Variants in SEPTIN8 observed in about 807,000 individuals in gnomAD.
The protein encoded by SEPTIN8 is septin 8.
Under a neutral mutation model 53.1 loss-of-function variants are expected in SEPTIN8, and 22 were observed. The ratio of observed to expected loss-of-function variants is 0.41; its 90% CI spans 0.30 to 0.59. The LOEUF (loss-of-function observed/expected upper bound fraction) is 0.59. Ranked by LOEUF, SEPTIN8 falls within the 20% of genes least tolerant of loss-of-function variation. The pLI is 0.24. For missense variants in SEPTIN8, 536 were observed against 638.7 expected (o/e 0.84, Z 1.73); for synonymous variants, 228 against 248.4 (o/e 0.92, Z 0.77).
chr5:132,754,137 C>T (rs111873298), intron 9 of SEPTIN8: 9 of 386,600 alleles, frequency 2.3e-5, no homozygotes, highest in African/African-American at 1.2e-4. Flanking sequence ...TTGGTGCTTT[C>T]GTTAAAATTA....
chr5:132,756,979 C>T lies in SEPTIN8; in HGVS notation c.1286+3823G>A, dbSNP rs1023750118. On this transcript the variant is annotated intron_variant, in intron 9 of 9. Coordinates refer to ENST00000378719, the MANE Select transcript of SEPTIN8 (RefSeq NM_001098811.2). ...GGTCATGCTCTGACCCAACTGCATA[C>T]ACTTTCAGACATAAAATTACCCTAG... is the stretch of plus-strand genomic sequence containing the variant. 87 of 985,412 alleles carry T rather than the reference C, an allele frequency of 8.8e-5. No individual in the cohort carries two copies. In the African/African-American group the frequency reaches 1.4e-3, roughly 16 times the overall value. 61.0% of individuals were successfully genotyped at this position (985,412 alleles called of 1,614,324 possible). A position where few individuals can be genotyped will look rare whatever the true frequency, so the allele number is the denominator to read the frequency against.
intron 1 of SEPTIN8, among the ~76,000 whole-genome samples, chr5:132,766,927 C>T (rs1756661697): frequency 6.6e-6 from 1 of 152,136 alleles, no homozygotes; most frequent in Non-Finnish European, 1.5e-5. Flanking sequence ...CAACCTTCTG[C>T]ACAACTGATG....
chr5:132,764,151 G>T (rs944745675), intron 3 of SEPTIN8, 73 bp downstream of exon 3: 11 of 1,466,840 alleles, frequency 7.5e-6, no homozygotes, highest in Non-Finnish European at 9.3e-6. Context: ...TGTGAGGGCT[G>T]GGCTACTGTT....
rs564634751 is a variant in SEPTIN8 at position 132,764,546 on chromosome 5, C to T, written c.152-127G>A. 26 of 687,532 alleles carry T rather than the reference C, an allele frequency of 3.8e-5. 1 individual carries two copies. The highest frequency in any genetic ancestry group is 2.5e-4 in the South Asian group (13 of 51,620). The allele number at this position is 687,532 out of a possible 1,614,324, so 42.6% of individuals were successfully genotyped here. ...CCCTGGATAAGAGAAAGGGGCAGGCCGCCCACCCCATCCCTCATCACCCCC... is the reference window on the plus strand; with the variant it reads ...CCCTGGATAAGAGAAAGGGGCAGGCTGCCCACCCCATCCCTCATCACCCCC... On this transcript the variant is annotated intron_variant, in intron 2 of 9. Coordinates refer to ENST00000378719, the MANE Select transcript of SEPTIN8 (RefSeq NM_001098811.2).
chr5:132,777,096 CG>C lies in SEPTIN8; in HGVS notation c.30+11del. On this transcript the variant is annotated intron_variant, in intron 1 of 9. Coordinates refer to ENST00000378719, the MANE Select transcript of SEPTIN8 (RefSeq NM_001098811.2). This position sits in a 1 kb window ranked among gnomAD's most constrained non-coding sequence, Gnocchi z 4.1. ...GCCTCCCGCGCGCGCCGTGGCCCAG[CG>C]GGGCCCTCACCGAGAAGCGCTCCAG... 1.7e-5 allele frequency: 19 copies of C among 1,106,418 alleles called. No homozygotes were observed. The highest frequency in any genetic ancestry group is 2.1e-5 in the Non-Finnish European group (19 of 908,956). 68.5% of individuals were successfully genotyped at this position (1,106,418 alleles called of 1,614,324 possible). A position where few individuals can be genotyped will look rare whatever the true frequency, so the allele number is the denominator to read the frequency against.
At chr5:132,758,539 G>A in intron 9 of SEPTIN8, 1 of 1,613,314 alleles carries the variant, frequency 6.2e-7, no homozygotes, top group South Asian at 1.1e-5. Context: ...ACTGTAAATG[G>A]AAGACCAGCC....
intron 2 of SEPTIN8, among the ~76,000 whole-genome samples, 154 bp downstream of exon 2, chr5:132,765,255 C>G (rs907881001): frequency 4.6e-5 from 7 of 152,126 alleles, no homozygotes; most frequent in African/African-American, 1.7e-4. Flanking sequence ...ATCCTTGACT[C>G]TGGCAGAGAC....
At chr5:132,765,039 G>A (rs1756441498) in intron 2 of SEPTIN8, among the ~76,000 whole-genome samples, 1 of 151,988 alleles carries the variant, frequency 6.6e-6, no homozygotes, top group Non-Finnish European at 1.5e-5. Context: ...ATAGGATATG[G>A]TGATGAGGGG....
In SEPTIN8 at chr5:132,760,711, CAG is replaced by C; in HGVS notation, c.1286+89_1286+90del. 1 of 1,219,878 alleles carries C rather than the reference CAG, an allele frequency of 8.2e-7. No homozygotes were observed. The allele number at this position is 1,219,878 out of a possible 1,614,324, so 75.6% of individuals were successfully genotyped here. On this transcript the variant is annotated intron_variant, in intron 9 of 9. Coordinates refer to ENST00000378719, the MANE Select transcript of SEPTIN8 (RefSeq NM_001098811.2). This position sits in a 1 kb window ranked among gnomAD's most constrained non-coding sequence, Gnocchi z 5.2. ...CAGGAAAGGGGTAAGAGAGGGCGAG[CAG>C]GAGAGCGAGAAGGGAGGTGAGGGAC...
At chr5:132,765,608 G>C (rs1756502839) in intron 1 of SEPTIN8, 79 bp from the exon 2 acceptor site, 2 of 1,475,518 alleles carry the variant, frequency 1.4e-6, no homozygotes, top group Admixed American at 4.5e-5. Context: ...CTAAATCTGA[G>C]TTAAAACAGT....
intron 9 of SEPTIN8, chr5:132,753,680 G>A (rs1290600668): frequency 1.3e-5 from 2 of 152,476 alleles, no homozygotes; most frequent in Non-Finnish European, 2.9e-5. Flanking sequence ...GCTAATGAAT[G>A]GGTATTATAG....
chr5:132,765,610 T>G (rs1408745001), intron 1 of SEPTIN8, 81 bp from the exon 2 acceptor site: 1 of 1,472,790 alleles, frequency 6.8e-7, no homozygotes, highest in Non-Finnish European at 9.1e-7. Context: ...AAATCTGAGT[T>G]AAAACAGTGA....
rs371802418 is a variant in SEPTIN8 at position 132,761,124 on chromosome 5, G to A, written c.1095+9C>T. On this transcript the variant is annotated intron_variant, in intron 8 of 9. Transcript: ENST00000378719. This position sits in a 1 kb window ranked among gnomAD's most constrained non-coding sequence, Gnocchi z 5.8. Reference sequence around the variant, plus strand: ...GCTTCCCCATCCCAGCCCCCAGCCTGGCACATACCTCCCTTTCCTTCTCCT... The same window carrying A: ...GCTTCCCCATCCCAGCCCCCAGCCTAGCACATACCTCCCTTTCCTTCTCCT... 7.4e-6 allele frequency: 12 copies of A among 1,614,034 alleles called. No individual in the cohort carries two copies. The highest frequency in any genetic ancestry group is 1.0e-5 in the Non-Finnish European group (12 of 1,180,008).
In SEPTIN8 at chr5:132,765,484, C is replaced by T; in HGVS notation, c.76G>A (p.Gly26Ser). ...PRSLSLGGHV[G>S]FDSLPDQLVS... ...AGCTGGTCGGGGAGGCTGTCGAAAC[C>T]CACATGGCCGCCCAGGGAGAGGCTC... is the stretch of plus-strand genomic sequence containing the variant. The change falls in exon 2 of 10, where the codon GGT becomes AGT. Residue 26 changes from glycine to serine, a missense_variant. Gly to Ser is a moderately conservative substitution (Grantham distance 56). Coordinates refer to ENST00000378719, the MANE Select transcript of SEPTIN8 (RefSeq NM_001098811.2). 1.9e-6 allele frequency: 3 copies of T among 1,612,482 alleles called. No individual in the cohort carries two copies. Among genetic ancestry groups the T allele is most frequent in the Non-Finnish European group, 2.5e-6 (3 of 1,179,238 alleles).
At chr5:132,752,296 A>C in intron 9 of SEPTIN8, 115 bp from the exon 10 acceptor site, 1 of 1,342,376 alleles carries the variant, frequency 7.4e-7, no homozygotes, top group Non-Finnish European at 1.0e-6. Context: ...TAGCCTCTGG[A>C]AAATGTTCTG....
At chr5:132,770,683 T>C (rs1165453550) in intron 1 of SEPTIN8, among the ~76,000 whole-genome samples, 3 of 152,278 alleles carry the variant, frequency 2.0e-5, no homozygotes, top group Middle Eastern at 3.4e-3. Flanking sequence ...GGAAGCCCCA[T>C]GGCAGACTGC....
intron 9 of SEPTIN8, chr5:132,757,306 C>G (rs1228153094): frequency 1.0e-6 from 1 of 985,288 alleles, no homozygotes; most frequent in African/African-American, 1.7e-5. Flanking sequence ...AGCATGGAGC[C>G]CCTCACAGGT....
rs776897282 is a variant in SEPTIN8 at position 132,750,909 on chromosome 5, C to T, written c.*1107G>A. ...AAGCACTATGGCTCTGACTATTCCC[C>T]GAATGAGCTGCTGAGGATGGAGCTG... is the stretch of plus-strand genomic sequence containing the variant. On this transcript the variant is annotated 3_prime_UTR_variant, in exon 10 of 10. Transcript: ENST00000378719. 10 of 1,614,102 alleles carry T rather than the reference C, an allele frequency of 6.2e-6. No homozygotes were observed. The highest frequency in any genetic ancestry group is 4.4e-5 in the South Asian group (4 of 91,094).
At chr5:132,775,995 T>C (rs1236857527) in intron 1 of SEPTIN8, 2 of 152,228 alleles carry the variant, frequency 1.3e-5, no homozygotes, top group East Asian at 1.9e-4. Flanking sequence ...GAATAAGAAA[T>C]GTATTTTCAG....
Sources: allele counts gnomAD v4.1 joint callset (sites outside exome capture counted in the v4.1 genomes callset), GRCh38; gene constraint gnomAD v4.1.1; non-coding constraint Gnocchi (gnomAD v3.1); transcripts MANE v1.5; gene names NCBI Gene and HGNC (gene_info 2026-07-23, HGNC 2026-07-21).